Variants in COTL1 observed in about 807,000 individuals in gnomAD.
COTL1 encodes coactosin like F-actin binding protein 1, also known as coactosin-like protein.
Under a neutral mutation model 16.5 loss-of-function variants are expected in COTL1, and 15 were observed. The observed-to-expected ratio is 0.91, with a 90% CI of 0.61 to 1.40. COTL1 has a LOEUF of 1.40. COTL1 is among the 40% of genes most tolerant of loss of function. The pLI, the probability that COTL1 is intolerant of heterozygous loss-of-function variation, is 0.00. For missense variants in COTL1, 220 were observed against 201.5 expected, an observed-to-expected ratio of 1.09 and a Z score of -0.56; for synonymous variants, 112 against 85.3, an observed-to-expected ratio of 1.31 and a Z score of -1.73.
At chr16:84,617,285 G>A (rs1340132833) in intron 2 of COTL1, among the ~76,000 whole-genome samples, 2 of 152,228 alleles carry the variant, frequency 1.3e-5, no homozygotes, top group Non-Finnish European at 2.9e-5. Flanking sequence ...TTGTAGGATG[G>A]CGGAGGCAGG....
intron 3 of COTL1, chr16:84,568,817 C>T (rs757978638): frequency 7.9e-5 from 12 of 152,276 alleles, no homozygotes; most frequent in South Asian, 2.1e-4. Context: ...AGGTGATCAA[C>T]ATTATTTCCA....
At chr16:84,602,897 T>C (rs1412710210) in intron 2 of COTL1, among the ~76,000 whole-genome samples, 1 of 151,166 alleles carries the variant, frequency 6.6e-6, no homozygotes, top group Non-Finnish European at 1.5e-5. Flanking sequence ...AAAGGCAGTG[T>C]TGCTGGAGTC....
intron 2 of COTL1, among the ~76,000 whole-genome samples, chr16:84,604,195 C>T (rs1318473219): frequency 1.0e-5 from 1 of 96,552 alleles, no homozygotes; most frequent in African/African-American, 4.3e-5. Context: ...AACCCCTGCG[C>T]TCCCCATCCA....
intron 3 of COTL1, among the ~76,000 whole-genome samples, chr16:84,572,487 G>T (rs1904354988): frequency 6.6e-6 from 1 of 152,158 alleles, no homozygotes; most frequent in African/African-American, 2.4e-5. Flanking sequence ...TTGAAACACA[G>T]TCTCACTCTG....
intron 3 of COTL1, among the ~76,000 whole-genome samples, chr16:84,582,480 C>A (rs1007763237): frequency 1.3e-5 from 2 of 152,226 alleles, no homozygotes; most frequent in South Asian, 4.1e-4. Flanking sequence ...TATGTGCTAG[C>A]ACACAGTAAT....
At chr16:84,611,219 A>G (rs763001971) in intron 2 of COTL1, among the ~76,000 whole-genome samples, 19 of 152,224 alleles carry the variant, frequency 1.2e-4, no homozygotes, top group Non-Finnish European at 2.4e-4. Flanking sequence ...CAGCTCTAAA[A>G]TCTGCACCAA....
chr16:84,589,408 C>T (rs565030516), intron 3 of COTL1, among the ~76,000 whole-genome samples: 21 of 152,280 alleles, frequency 1.4e-4, no homozygotes, highest in African/African-American at 4.3e-4. Context: ...GCTGAAGGGA[C>T]GTGTAACACA....
intron 2 of COTL1, among the ~76,000 whole-genome samples, chr16:84,617,237 C>T (rs1905511828): frequency 6.6e-6 from 1 of 152,224 alleles, no homozygotes; most frequent in Middle Eastern, 3.4e-3. Flanking sequence ...ACCAGTGGAC[C>T]GCAGGGGGCA....
rs1751789789 is a variant in COTL1, at chr16:84,580,369, C to A, written c.318+9736G>T. Among the ~76,000 whole-genome samples the A allele has an allele frequency of 2.0e-5, 3 of 152,142 alleles. No individual in the cohort carries two copies. In the South Asian group the frequency reaches 6.2e-4, roughly 32 times the overall value. ...ATCCTTGACCTCCTGGGCTCAGCCT[C>A]CCGAGTAGCTTGGACTACAGGTACA... On this transcript the variant is annotated intron_variant, in intron 3 of 3. Transcript: ENST00000262428.
chr16:84,571,832 A>G (rs1904342032), intron 3 of COTL1, among the ~76,000 whole-genome samples: 2 of 152,170 alleles, frequency 1.3e-5, no homozygotes, highest in Admixed American at 1.3e-4. Context: ...GTGGACACCG[A>G]GCCGCTCCCA....
At chr16:84,581,978 C>CTTTT (rs11332563) in intron 3 of COTL1, among the ~76,000 whole-genome samples, 198 of 65,972 alleles carry the variant, frequency 3.0e-3, no homozygotes, top group Non-Finnish European at 4.3e-3. Context: ...TACATTTCTT[C>CTTTT]TTTTTTTTTT....
chr16:84,570,183 G>A (rs897960557), intron 3 of COTL1, among the ~76,000 whole-genome samples: 1 of 152,212 alleles, frequency 6.6e-6, no homozygotes, highest in Non-Finnish European at 1.5e-5. Context: ...GGCTAAGGCA[G>A]GAGAATGGCT....
intron 3 of COTL1, among the ~76,000 whole-genome samples, chr16:84,572,913 C>T (rs940180472): frequency 7.6e-6 from 1 of 131,684 alleles, no homozygotes; most frequent in Admixed American, 7.6e-5. Flanking sequence ...CCACCATGCC[C>T]GACTAATTTT....
intron 1 of COTL1, 60 bp from the exon 2 acceptor site, chr16:84,617,643 CG>C: frequency 6.6e-7 from 1 of 1,512,082 alleles, no homozygotes; most frequent in Non-Finnish European, 9.0e-7. Flanking sequence ...CCGCGCGACG[CG>C]GCGCTTGCAG....
intron 2 of COTL1, among the ~76,000 whole-genome samples, chr16:84,592,350 G>C (rs1400280264): frequency 1.3e-5 from 2 of 152,146 alleles, no homozygotes; most frequent in Non-Finnish European, 2.9e-5. Flanking sequence ...CACTGGTTTG[G>C]AGTCATTCAC....
At chr16:84,584,632 C>T (rs1393815079) in intron 3 of COTL1, among the ~76,000 whole-genome samples, 1 of 152,222 alleles carries the variant, frequency 6.6e-6, no homozygotes. Context: ...TGGAGCTGAG[C>T]ATCTGTATCT....
chr16:84,574,732 C>G (rs942196310), intron 3 of COTL1, among the ~76,000 whole-genome samples: 2 of 152,070 alleles, frequency 1.3e-5, no homozygotes, highest in African/African-American at 4.8e-5. Flanking sequence ...TACAGACAAC[C>G]ACCACCACGC....
chr16:84,590,239 C>G lies in COTL1; in HGVS notation c.184G>C (p.Val62Leu), dbSNP rs748270558. 6.2e-7 allele frequency: 1 copy of G among 1,613,958 alleles called. No individual in the cohort carries two copies. The highest frequency in any genetic ancestry group is 1.1e-5 in the South Asian group (1 of 91,068). The change falls in exon 3 of 4, where the codon GTG becomes CTG. Residue 62 changes from valine to leucine, a missense_variant. Physicochemically the swap from Val to Leu is conservative, Grantham distance 32. Coordinates refer to ENST00000262428, the MANE Select transcript of COTL1 (RefSeq NM_021149.5). This position sits in a 1 kb window ranked among gnomAD's most constrained non-coding sequence, Gnocchi z 5.5. The part of the protein sequence containing the change: ...CTDDVRLFAF[V>L]RFTTGDAMSK... ...ATGGCATCCCCGGTGGTGAAGCGCA[C>G]GAAGGCAAACAACCGGACGTCATCT...
chr16:84,611,285 G>A (rs1295879297), intron 2 of COTL1, among the ~76,000 whole-genome samples: 1 of 152,286 alleles, frequency 6.6e-6, no homozygotes, highest in South Asian at 2.1e-4. Flanking sequence ...AAAACTGCTT[G>A]CAACACATAA....
Sources: gnomAD v4.1 joint callset for allele counts (sites outside exome capture counted in the v4.1 genomes callset) on GRCh38, gnomAD v4.1.1 for gene constraint, Gnocchi (gnomAD v3.1) non-coding constraint, MANE v1.5 for transcripts, NCBI Gene and HGNC (gene_info 2026-07-23, HGNC 2026-07-21) for gene names.